The following RPAP2 variants were observed in gnomAD, a reference collection of about 807,000 sequenced individuals.
The protein encoded by RPAP2 is RNA polymerase II associated protein 2.
RPAP2 carries 52 observed loss-of-function variants against 73.1 expected under a neutral mutation model. The observed-to-expected ratio is 0.71, with a 90% CI of 0.57 to 0.90. RPAP2 has a LOEUF of 0.90. Ranked by LOEUF, RPAP2 falls within the 40% of genes least tolerant of loss-of-function variation. The pLI, the probability that RPAP2 is intolerant of heterozygous loss-of-function variation, is 0.00. For synonymous variants in RPAP2, 225 were observed against 242.1 expected (o/e 0.93, Z 0.65); for missense variants, 598 against 701.8 (o/e 0.85, Z 1.67).
intron 6 of RPAP2, among the ~76,000 whole-genome samples, chr1:92,318,177 A>C (rs779696479): frequency 2.0e-5 from 3 of 152,164 alleles, no homozygotes; most frequent in Non-Finnish European, 4.4e-5. Flanking sequence ...TGGCATGTCC[A>C]CCTTCCCAAC....
At chr1:92,370,752 T>C (rs1356882527) in intron 11 of RPAP2, among the ~76,000 whole-genome samples, 2 of 152,084 alleles carry the variant, frequency 1.3e-5, no homozygotes, top group Non-Finnish European at 2.9e-5. Context: ...TAATTCTTAA[T>C]AGAAGGAGAC....
At chr1:92,345,400 A>AAG (rs1180516669) in intron 10 of RPAP2, among the ~76,000 whole-genome samples, 7 of 138,314 alleles carry the variant, frequency 5.1e-5, no homozygotes, top group African/African-American at 1.1e-4. Context: ...AAAAAAAAAA[A>AAG]AGAGAGAGAG....
intron 12 of RPAP2, among the ~76,000 whole-genome samples, chr1:92,384,162 T>C (rs2101456099): frequency 6.6e-6 from 1 of 151,524 alleles, no homozygotes; most frequent in East Asian, 2.0e-4. Context: ...TTCACCATGT[T>C]GGCCAGGATG....
intron 6 of RPAP2, among the ~76,000 whole-genome samples, chr1:92,313,129 A>G (rs1651697260): frequency 6.6e-6 from 1 of 152,202 alleles, no homozygotes; most frequent in African/African-American, 2.4e-5. Context: ...GGCTTCCCAA[A>G]GTGTTGGGAT....
intron 11 of RPAP2, among the ~76,000 whole-genome samples, chr1:92,370,990 G>GA (rs1469811057): frequency 6.6e-6 from 1 of 152,110 alleles, no homozygotes; most frequent in Admixed American, 6.6e-5. Context: ...CCATTATGGA[G>GA]AACAATGTGG....
chr1:92,353,052 T>C (rs563123193), intron 11 of RPAP2, among the ~76,000 whole-genome samples: 1 of 152,242 alleles, frequency 6.6e-6, no homozygotes, highest in Non-Finnish European at 1.5e-5. Context: ...CCAAATAATA[T>C]TCCATTGTAT....
intron 10 of RPAP2, among the ~76,000 whole-genome samples, 198 bp downstream of exon 10, chr1:92,336,625 A>G (rs548311746): frequency 1.3e-5 from 2 of 152,278 alleles, no homozygotes; most frequent in Non-Finnish European, 2.9e-5. Flanking sequence ...TCAAGCCATT[A>G]TATATTTCAC....
At position 92,323,831 on chromosome 1, in the gene RPAP2, C is replaced by T; in HGVS notation, c.911C>T (p.Thr304Ile). The change falls in exon 8 of 13, where the codon ACT becomes ATT. Residue 304 changes from threonine (T) to isoleucine (I), a missense_variant. This residue lies in a region of RPAP2 where 506 missense variants were observed against 612.8 expected (regional missense o/e 0.83). Coordinates refer to ENST00000610020, the MANE Select transcript of RPAP2 (RefSeq NM_024813.3). ...KVNTQSSSNS[T>I]LPERLKASEN... ...AATACTCAGAGTTCTTCAAATAGCA[C>T]TTTGCCTGAAAGATTAAAAGCGTCA... is the stretch of plus-strand genomic sequence containing the variant. 1.2e-6 allele frequency: 2 copies of T among 1,614,032 alleles called. No individual in the cohort carries two copies. Among genetic ancestry groups the T allele is most frequent in the South Asian group, 2.2e-5 (2 of 91,074 alleles).
intron 12 of RPAP2, among the ~76,000 whole-genome samples, chr1:92,384,665 A>G (rs970327638): frequency 7.2e-5 from 11 of 151,908 alleles, no homozygotes; most frequent in Non-Finnish European, 1.3e-4. Context: ...CTGCCCCCCA[A>G]TTTATACCCA....
Position 92,299,086 on chromosome 1 carries a change from G to A in RPAP2, c.13G>A (p.Ala5Thr), listed in dbSNP as rs1258954439. The A allele has an allele frequency of 2.6e-6, 4 of 1,515,074 alleles. No individual in the cohort carries two copies. Among genetic ancestry groups the A allele is most frequent in the Admixed American group, 4.2e-5 (2 of 47,660 alleles). 93.9% of individuals were successfully genotyped at this position (1,515,074 alleles called of 1,614,324 possible). A position where few individuals can be genotyped will look rare whatever the true frequency, so the allele number is the denominator to read the frequency against. Residue 5 changes from alanine to threonine, a missense_variant, in exon 1 of 13, where the codon GCT becomes ACT. Physicochemically the swap from Ala to Thr is moderately conservative, Grantham distance 58. This residue lies in a region of RPAP2 where 77 missense variants were observed against 55.7 expected (regional missense o/e 1.38). Coordinates refer to ENST00000610020, the MANE Select transcript of RPAP2 (RefSeq NM_024813.3). ...ACTACTCTCCCCCATGGCGGACTTC[G>A]CTGGGCCGTCTTCTGCCGGCCGCAA... Reference protein sequence around the residue: MADFAGPSSAGRKAG... With the variant: MADFTGPSSAGRKAG...
At chr1:92,353,370 G>A (rs941996118) in intron 11 of RPAP2, among the ~76,000 whole-genome samples, 2 of 152,092 alleles carry the variant, frequency 1.3e-5, no homozygotes, top group South Asian at 2.1e-4. Context: ...TTCACACCCA[G>A]TAGTCATTTT....
At chr1:92,368,074 C>T (rs1298850699) in intron 11 of RPAP2, among the ~76,000 whole-genome samples, 3 of 152,090 alleles carry the variant, frequency 2.0e-5, no homozygotes, top group Non-Finnish European at 4.4e-5. Context: ...TCCAGTGGTT[C>T]AGTATGAGTG....
intron 10 of RPAP2, among the ~76,000 whole-genome samples, chr1:92,338,100 A>G (rs537069272): frequency 2.6e-5 from 4 of 152,168 alleles, no homozygotes; most frequent in South Asian, 2.1e-4. Flanking sequence ...TTATTGTGGT[A>G]TTTTACACTT....
chr1:92,380,806 T>C lies in RPAP2; in HGVS notation c.1771T>C (p.Leu591=). ...GTTTCTAGACACCCTCCTTGAAGAA[T>C]TACATCTAAAAAATGAAGACCTTGA... ...TRFLDTLLEE[L]HLKNEDLESL... Residue 591 remains leucine (L), a synonymous_variant, in exon 12 of 13, where the codon TTA becomes CTA. Transcript: ENST00000610020. 6.2e-7 allele frequency: 1 copy of C among 1,608,172 alleles called. No individual in the cohort carries two copies. Among genetic ancestry groups the C allele is most frequent in the Non-Finnish European group, 8.5e-7 (1 of 1,177,744 alleles).
At chr1:92,334,939 G>T (rs1017359372) in intron 9 of RPAP2, among the ~76,000 whole-genome samples, 1 of 152,140 alleles carries the variant, frequency 6.6e-6, no homozygotes, top group Admixed American at 6.5e-5. Context: ...AGTGAGCCAA[G>T]ATCGCACCAC....
At position 92,361,142 on chromosome 1, in the gene RPAP2, A is replaced by C. The variant is rs569762008; in HGVS notation, c.1688+15228A>C. Among the ~76,000 whole-genome samples, 5 of 149,234 alleles carry C rather than the reference A, an allele frequency of 3.4e-5. No homozygotes were observed. The South Asian group carries it at 8.4e-4, about 25-fold the overall frequency. On this transcript the variant is annotated intron_variant, in intron 11 of 12. Coordinates refer to ENST00000610020, the MANE Select transcript of RPAP2 (RefSeq NM_024813.3). Reference sequence around the variant, plus strand: ...ATATATATATATATACACACACATAAACACACACACACACACGTAAGTTTC... The same window carrying C: ...ATATATATATATATACACACACATACACACACACACACACACGTAAGTTTC...
Position 92,396,724 on chromosome 1 carries a change from T to G in RPAP2, c.*9713T>G, listed in dbSNP as rs1656192830. The G allele has an allele frequency of 6.6e-6, 1 of 152,606 alleles. No homozygotes were observed. Among genetic ancestry groups the G allele is most frequent in the African/African-American group, 2.4e-5 (1 of 41,378 alleles). The allele number at this position is 152,606 out of a possible 1,614,324, so 9.5% of individuals were successfully genotyped here. ...GGCGCGATCTCAGCTCACCACAACC[T>G]CCGCCTCCTGGGTTGAAGCATTTCT... On this transcript the variant is annotated 3_prime_UTR_variant, in exon 13 of 13. Coordinates refer to ENST00000610020, the MANE Select transcript of RPAP2 (RefSeq NM_024813.3).
At chr1:92,369,819 T>A (rs924100722) in intron 11 of RPAP2, among the ~76,000 whole-genome samples, 2 of 152,018 alleles carry the variant, frequency 1.3e-5, no homozygotes, top group African/African-American at 4.8e-5. Flanking sequence ...AGGAAGCAGG[T>A]GTTTGGTAAG....
intron 1 of RPAP2, 68 bp from the exon 2 acceptor site, chr1:92,300,126 C>A: frequency 1.9e-6 from 2 of 1,057,488 alleles, no homozygotes; most frequent in African/African-American, 1.6e-5. Context: ...TATGAGACCG[C>A]TGTCTGTATG....
Sources: allele counts gnomAD v4.1 joint callset (sites outside exome capture counted in the v4.1 genomes callset), GRCh38; gene constraint gnomAD v4.1.1; regional missense constraint gnomAD v4.1.1; transcripts MANE v1.5; gene names NCBI Gene and HGNC (gene_info 2026-07-23, HGNC 2026-07-21).